Variants in TSPAN14 observed in about 807,000 individuals in gnomAD.
TSPAN14 encodes tetraspanin-14.
In TSPAN14, 16 loss-of-function variants were observed where a neutral mutation model predicts 36.6. The ratio of observed to expected loss-of-function variants is 0.44; its 90% confidence interval spans 0.30 to 0.66. The LOEUF (loss-of-function observed/expected upper bound fraction) is 0.66. Ranked by LOEUF, TSPAN14 falls within the 30% of genes least tolerant of loss-of-function variation. The pLI, the probability that TSPAN14 is intolerant of heterozygous loss-of-function variation, is 0.12. For missense variants in TSPAN14, 231 were observed against 355.1 expected, an observed-to-expected ratio of 0.65 and a Z score of 2.81; for synonymous variants, 139 against 143.8, an observed-to-expected ratio of 0.97 and a Z score of 0.24.
intron 1 of TSPAN14, chr10:80,459,453 A>C (rs1845875300): frequency 6.5e-6 from 1 of 153,174 alleles, no homozygotes; most frequent in East Asian, 1.9e-4. Context: ...CTGAGCTGGG[A>C]GCCTGAGAGC....
chr10:80,517,951 C>A, exon 9 of TSPAN14: 1 of 1,564,820 alleles, frequency 6.4e-7, no homozygotes. Context: ...GACATCGAGG[C>A]AGTGAAGGCC....
rs1243476574 is a variant in TSPAN14 at position 80,483,242 on chromosome 10, G to A, written c.-17-5975G>A. Among the ~76,000 whole-genome samples, 8 of 152,092 alleles carry A rather than the reference G, an allele frequency of 5.3e-5. No individual in the cohort carries two copies. In the South Asian group the frequency reaches 8.3e-4, roughly 16 times the overall value. On this transcript the variant is annotated intron_variant, in intron 1 of 8. Coordinates refer to ENST00000429989, the Ensembl canonical transcript of TSPAN14. Reference sequence around the variant, plus strand: ...AGCAGGGGCACCTCCAACCAGCAGCGGCCCCATTTTCATTTATAATACAAA... The same window carrying A: ...AGCAGGGGCACCTCCAACCAGCAGCAGCCCCATTTTCATTTATAATACAAA...
chr10:80,466,016 G>A (rs773765851), intron 1 of TSPAN14, among the ~76,000 whole-genome samples: 15 of 152,096 alleles, frequency 9.9e-5, no homozygotes, highest in African/African-American at 1.9e-4. Context: ...AGGTGTGCCC[G>A]CCCCAACCCA....
chr10:80,499,456 T>G (rs986752384), intron 2 of TSPAN14, among the ~76,000 whole-genome samples: 1 of 152,210 alleles, frequency 6.6e-6, no homozygotes, highest in African/African-American at 2.4e-5. Context: ...TGCCTGACAG[T>G]GTGGGTCATT....
intron 1 of TSPAN14, among the ~76,000 whole-genome samples, chr10:80,462,867 C>T (rs192390595): frequency 6.6e-6 from 1 of 152,122 alleles, no homozygotes; most frequent in South Asian, 2.1e-4. Context: ...ACTAGGACCT[C>T]GAGCTCCACT....
intron 1 of TSPAN14, among the ~76,000 whole-genome samples, chr10:80,475,680 T>C (rs777110537): frequency 2.0e-5 from 3 of 152,110 alleles, no homozygotes; most frequent in Non-Finnish European, 4.4e-5. Context: ...TTCCGCCTCC[T>C]GGGTTCAAGC....
At chr10:80,503,644 T>C (rs1848651157) in intron 2 of TSPAN14, among the ~76,000 whole-genome samples, 1 of 152,256 alleles carries the variant, frequency 6.6e-6, no homozygotes, top group South Asian at 2.1e-4. Context: ...GAAAGTGATC[T>C]GTGATCCAGA....
At chr10:80,520,418 C>T (rs1841200328) in exon 9 of TSPAN14, 2 of 414,528 alleles carry the variant, frequency 4.8e-6, no homozygotes, top group Admixed American at 5.8e-5. Context: ...GCTGTCCGCA[C>T]AGAGGCACAG....
exon 9 of TSPAN14, chr10:80,519,068 G>A (rs1366979854): frequency 2.0e-5 from 3 of 152,736 alleles, no homozygotes; most frequent in Non-Finnish European, 4.4e-5. Context: ...CAAGCCCAGG[G>A]AGCCCCAGCC....
intron 1 of TSPAN14, among the ~76,000 whole-genome samples, chr10:80,460,122 A>C (rs142737207): frequency 6.6e-6 from 1 of 152,300 alleles, no homozygotes; most frequent in Non-Finnish European, 1.5e-5. Context: ...ATCGCAATGG[A>C]TTTTGCAGTA....
chr10:80,495,694 G>A (rs1023952797), intron 2 of TSPAN14, among the ~76,000 whole-genome samples: 1 of 152,184 alleles, frequency 6.6e-6, no homozygotes, highest in African/African-American at 2.4e-5. Flanking sequence ...AATCAGCATG[G>A]CATAGTCTAC....
intron 1 of TSPAN14, among the ~76,000 whole-genome samples, chr10:80,477,967 A>T (rs1847016779): frequency 6.6e-6 from 1 of 152,228 alleles, no homozygotes; most frequent in South Asian, 2.1e-4. Flanking sequence ...CAACCAGATC[A>T]TCCTAGACAG....
intron 1 of TSPAN14, among the ~76,000 whole-genome samples, chr10:80,474,652 T>C (rs1846753486): frequency 6.6e-6 from 1 of 151,726 alleles, no homozygotes; most frequent in African/African-American, 2.4e-5. Flanking sequence ...TGTTGGAGGG[T>C]TGTGAGGCAT....
At chr10:80,507,396 A>G (rs748483510) in intron 4 of TSPAN14, 22 bp downstream of exon 4, 1 of 1,613,970 alleles carries the variant, frequency 6.2e-7, no homozygotes, top group South Asian at 1.1e-5. Flanking sequence ...CAGAGACAAG[A>G]GTGGGATAGG....
intron 1 of TSPAN14, among the ~76,000 whole-genome samples, chr10:80,484,074 G>A (rs539039081): frequency 6.6e-6 from 1 of 151,528 alleles, no homozygotes; most frequent in Admixed American, 6.6e-5. Flanking sequence ...ATGAAACCCC[G>A]TTTGTACAAA....
chr10:80,520,309 C>T (rs1841192418), exon 9 of TSPAN14: 3 of 302,940 alleles, frequency 9.9e-6, no homozygotes, highest in African/African-American at 6.5e-5. Context: ...ACCCTTCTGG[C>T]TGTTCTCAGC....
intron 1 of TSPAN14, among the ~76,000 whole-genome samples, chr10:80,486,402 C>G (rs987023304): frequency 5.9e-5 from 9 of 152,226 alleles, no homozygotes; most frequent in South Asian, 2.1e-4. Flanking sequence ...TGCAAAGGCC[C>G]CGGGCAGGGG....
chr10:80,466,423 T>C (rs1345915891), intron 1 of TSPAN14: 5 of 152,150 alleles, frequency 3.3e-5, no homozygotes, highest in African/African-American at 1.2e-4. Context: ...GCGACTAATT[T>C]TTAAAAATTT....
exon 9 of TSPAN14, chr10:80,520,171 C>T (rs873259): frequency 0.39 from 66,443 of 168,556 alleles, 14,980 homozygotes; most frequent in East Asian, 0.83. Flanking sequence ...GAGTGGGTGG[C>T]CACAGACCCT....
Sources: gnomAD v4.1 joint callset for allele counts (sites outside exome capture counted in the v4.1 genomes callset) on GRCh38, gnomAD v4.1.1 for gene constraint, MANE v1.5 for transcripts, NCBI Gene and HGNC (gene_info 2026-07-23, HGNC 2026-07-21) for gene names.